CHAF1A: variants seen among roughly 807,000 people sequenced by gnomAD.
CHAF1A encodes the protein CAF-1 subunit A.
A neutral mutation model predicts 93.2 loss-of-function variants in CHAF1A; 5 were observed. The ratio of observed to expected loss-of-function variants is 0.05; its 90% CI spans 0.03 to 0.11. The LOEUF is 0.11. Ranked by LOEUF, CHAF1A falls within the 10% of genes least tolerant of loss-of-function variation. The pLI is 1.00. For synonymous variants in CHAF1A, 504 were observed against 510.3 expected, an observed-to-expected ratio of 0.99 and a Z score of 0.17; for missense variants, 1,102 against 1,259.9, an observed-to-expected ratio of 0.87 and a Z score of 1.90.
chr19:4,403,901 C>A (rs749017892), intron 1 of CHAF1A, among the ~76,000 whole-genome samples: 11 of 152,200 alleles, frequency 7.2e-5, no homozygotes, highest in Non-Finnish European at 8.8e-5. Flanking sequence ...TGTTGCCCAA[C>A]CTCTGCCTCT....
At chr19:4,411,327 T>C (rs1599640128) in intron 3 of CHAF1A, among the ~76,000 whole-genome samples, 1 of 152,232 alleles carries the variant, frequency 6.6e-6, no homozygotes, top group East Asian at 1.9e-4. Context: ...CCTCTTGGGT[T>C]CAAGCAATTC....
At chr19:4,444,208 G>A (rs528263445), downstream of CHAF1A, among the ~76,000 whole-genome samples, 77 of 152,266 alleles carry the variant, frequency 5.1e-4, 3 homozygotes, top group African/African-American at 4.8e-4. Flanking sequence ...GGGCAGTGCC[G>A]GGGGCGAGGG....
At position 4,437,360 on chromosome 19, in the gene CHAF1A, GT is replaced by G. The variant is rs547852139; in HGVS notation, c.2673+3830del. On this transcript the variant is annotated intron_variant, in intron 13 of 14. Transcript: ENST00000301280. ...TGGGACATGTGCCCTGGCATCCTCT[GT>G]TTTTTTTTGACAGGGTCTCACTCTG... Among the ~76,000 whole-genome samples the G allele has an allele frequency of 7.3e-5, 11 of 151,278 alleles. No homozygotes were observed. The South Asian group carries it at 1.3e-3, about 17-fold the overall frequency.
rs552373271 is a variant in CHAF1A at position 4,422,360 on chromosome 19, G to A, written c.1018-206G>A. 1.3e-5 allele frequency among the ~76,000 whole-genome samples: 2 copies of A among 151,692 alleles called. No homozygotes were observed. Among genetic ancestry groups the A allele is most frequent in the East Asian group, 3.9e-4 (2 of 5,172 alleles). ...GACAGGGTTTCACCCTGTTGACCAG[G>A]CTGGTCTCAAACTCCTGACCTCAGG... is the stretch of plus-strand genomic sequence containing the variant. On this transcript the variant is annotated intron_variant, in intron 4 of 14. Coordinates refer to ENST00000301280, the MANE Select transcript of CHAF1A (RefSeq NM_005483.3). The surrounding 1 kb of genome is among the most constrained non-coding windows in gnomAD (Gnocchi z 4.6).
At chr19:4,420,801 AATGGGTC>A (rs1973978533) in intron 4 of CHAF1A, among the ~76,000 whole-genome samples, 1 of 152,130 alleles carries the variant, frequency 6.6e-6, no homozygotes, top group African/African-American at 2.4e-5. Context: ...GGCTGGTTGC[AATGGGTC>A]ATGCCTGTAA....
chr19:4,445,015 A>C (rs1433345691), downstream of CHAF1A: 1 of 160,136 alleles, frequency 6.2e-6, no homozygotes, highest in Non-Finnish European at 1.4e-5. Flanking sequence ...CTATATTCAA[A>C]CAACCTGTTT....
chr19:4,403,186 C>A (rs1485858632), intron 1 of CHAF1A, among the ~76,000 whole-genome samples: 1 of 151,934 alleles, frequency 6.6e-6, no homozygotes, highest in African/African-American at 2.4e-5. Context: ...GACCTTGCAG[C>A]GGGTGGGGAA....
rs747750687 is a variant in CHAF1A at position 4,427,136 on chromosome 19, C to CTTT, written c.1378-1499_1378-1497dup. Among the ~76,000 whole-genome samples, 50 of 31,944 alleles carry CTTT rather than the reference C, an allele frequency of 1.6e-3. 7 individuals carry two copies. The highest frequency in any genetic ancestry group is 2.5e-3 in the African/African-American group (17 of 6,822). The allele number at this position is 31,944 out of a possible 152,430, so 21.0% of individuals were successfully genotyped here. On this transcript the variant is annotated intron_variant, in intron 7 of 14. Transcript: ENST00000301280. Reference sequence around the variant, plus strand: ...GTGATCTTTCAAAAAAAGACCCTGTCTTTTTTTTTTTTTTTTTTTTTTTTT... The same window carrying CTTT: ...GTGATCTTTCAAAAAAAGACCCTGTCTTTTTTTTTTTTTTTTTTTTTTTTTTTT...
rs146654988 is a variant in CHAF1A, at chr19:4,409,628, G to A, written c.829G>A (p.Glu277Lys). The change falls in exon 3 of 15, where the codon GAA (glutamate) becomes AAA (lysine). Residue 277 changes from glutamate to lysine, a missense_variant. Physicochemically the swap from Glu to Lys is moderately conservative, Grantham distance 56 (BLOSUM62 1). Transcript: ENST00000301280. ...PESEVLESFP[E>K]EDSVLSHSSL... ...GAGTGAGGTGCTGGAATCTTTCCCCGAAGAAGACTCTGTACTCAGCCATTC... is the reference window on the plus strand; with the variant it reads ...GAGTGAGGTGCTGGAATCTTTCCCCAAAGAAGACTCTGTACTCAGCCATTC... 26 of 1,614,068 alleles carry A rather than the reference G, an allele frequency of 1.6e-5. No individual in the cohort carries two copies. The African/African-American group carries it at 1.9e-4, about 12-fold the overall frequency.
chr19:4,436,196 G>C (rs1334589094), intron 13 of CHAF1A, among the ~76,000 whole-genome samples: 2 of 152,038 alleles, frequency 1.3e-5, no homozygotes, highest in African/African-American at 4.8e-5. Flanking sequence ...GAGAGAAATG[G>C]CTCCTGAGAT....
intron 13 of CHAF1A, among the ~76,000 whole-genome samples, chr19:4,440,041 G>T (rs747505950): frequency 2.6e-5 from 4 of 152,218 alleles, no homozygotes; most frequent in Admixed American, 6.5e-5. Flanking sequence ...CAGTCTGCCT[G>T]GCCAGGCACT....
At chr19:4,447,934 G>C (rs553181402), downstream of CHAF1A, 5 of 499,422 alleles carry the variant, frequency 1.0e-5, no homozygotes, top group Admixed American at 9.7e-5. Flanking sequence ...AGCCAGAGCT[G>C]AAGGGCCGCA....
Position 4,431,960 on chromosome 19 carries a change from C to T in CHAF1A, c.1956C>T (p.Ala652=), listed in dbSNP as rs562012909. Residue 652 remains alanine (A), a synonymous_variant, in exon 12 of 15, where the codon GCC becomes GCT. Transcript: ENST00000301280. ...GCTTTCTAAACCACAAGGAGTGTGC[C>T]GACCCTGAGAACCATAAGGTCCGCC... ...SEDEGVTEEC[A]DPENHKVRQK... is the part of the protein sequence containing the mutation. 1.2e-5 allele frequency: 19 copies of T among 1,607,604 alleles called. No individual in the cohort carries two copies. The highest frequency in any genetic ancestry group is 5.0e-5 in the Admixed American group (3 of 59,688).
downstream of CHAF1A, chr19:4,447,121 A>G (rs1195285266): frequency 3.4e-5 from 21 of 610,734 alleles, no homozygotes; most frequent in Non-Finnish European, 5.2e-5. Context: ...ACAGCTCTGC[A>G]CAGAGGAAAG....
At chr19:4,448,095 G>C (rs1404879436), downstream of CHAF1A, 1 of 586,974 alleles carries the variant, frequency 1.7e-6, no homozygotes, top group African/African-American at 1.9e-5. Context: ...GGAAACCCCT[G>C]ATTCCTTCAA....
chr19:4,412,374 C>G (rs1030942018), intron 3 of CHAF1A, among the ~76,000 whole-genome samples: 1 of 152,194 alleles, frequency 6.6e-6, no homozygotes, highest in African/African-American at 2.4e-5. Context: ...GAAACCCCGT[C>G]TCTACTAAAA....
chr19:4,412,529 A>T lies in CHAF1A; in HGVS notation c.960+2770A>T, dbSNP rs573778625. Reference sequence around the variant, plus strand: ...ATTGCACTCCAGCCTGGGTAACAAGAACAAAACTCCGTCTCAAGAAAAAAA... The same window carrying T: ...ATTGCACTCCAGCCTGGGTAACAAGTACAAAACTCCGTCTCAAGAAAAAAA... On this transcript the variant is annotated intron_variant, in intron 3 of 14. Transcript: ENST00000301280. 7.2e-5 allele frequency among the ~76,000 whole-genome samples: 11 copies of T among 152,236 alleles called. No individual in the cohort carries two copies. The East Asian group carries it at 1.9e-3, about 27-fold the overall frequency.
downstream of CHAF1A, chr19:4,447,780 G>A (rs922620043): frequency 2.5e-5 from 18 of 721,046 alleles, no homozygotes; most frequent in Middle Eastern, 2.9e-4. Context: ...GACCATCTCC[G>A]GGTGGAAGGC....
downstream of CHAF1A, among the ~76,000 whole-genome samples, chr19:4,443,638 G>C (rs1974440593): frequency 6.6e-6 from 1 of 152,210 alleles, no homozygotes; most frequent in Non-Finnish European, 1.5e-5. Flanking sequence ...TTAGGAGAGG[G>C]TGTTCCCAGA....
Sources: allele counts gnomAD v4.1 joint callset (sites outside exome capture counted in the v4.1 genomes callset), GRCh38; gene constraint gnomAD v4.1.1; non-coding constraint Gnocchi (gnomAD v3.1); transcripts MANE v1.5; gene names NCBI Gene and HGNC (gene_info 2026-07-23, HGNC 2026-07-21).